SGCD: variants seen among roughly 807,000 people sequenced by gnomAD.
SGCD encodes delta-sarcoglycan.
In SGCD, 18 loss-of-function variants were observed where a neutral mutation model predicts 36.6. The ratio of observed to expected loss-of-function variants is 0.49; its 90% CI spans 0.34 to 0.73. SGCD has a LOEUF of 0.73. Ranked by LOEUF, SGCD falls within the 30% of genes least tolerant of loss-of-function variation. The pLI is 0.01. For missense variants in SGCD, 387 were observed against 346.7 expected, an observed-to-expected ratio of 1.12 and a Z score of -0.92; for synonymous variants, 133 against 130.6, an observed-to-expected ratio of 1.02 and a Z score of -0.12.
chr5:156,557,203 C>T (rs140965200), intron 4 of SGCD, among the ~76,000 whole-genome samples: 25 of 152,258 alleles, frequency 1.6e-4, no homozygotes, highest in African/African-American at 5.3e-4. Context: ...AGCCTGCAAC[C>T]GGCATAGTTA....
chr5:155,816,477 T>G, the SGCD span, among the ~76,000 whole-genome samples: 1 of 152,168 alleles, frequency 6.6e-6, no homozygotes, highest in African/African-American at 2.4e-5. Flanking sequence ...TGACTTCAAG[T>G]TGAGCAGGCT....
At chr5:155,787,133 C>T in the SGCD span, among the ~76,000 whole-genome samples, 7 of 152,192 alleles carry the variant, frequency 4.6e-5, no homozygotes, top group African/African-American at 1.7e-4. Flanking sequence ...ACATTTAAAT[C>T]AGGAGCTAAG....
At chr5:156,221,302 A>G (rs1764711312) in intron 3 of SGCD, among the ~76,000 whole-genome samples, 1 of 152,138 alleles carries the variant, frequency 6.6e-6, no homozygotes, top group South Asian at 2.1e-4. Flanking sequence ...TAAAATGATA[A>G]TAGTCAAGGA....
chr5:155,785,105 C>A, the SGCD span, among the ~76,000 whole-genome samples: 1 of 151,940 alleles, frequency 6.6e-6, no homozygotes, highest in African/African-American at 2.4e-5. Flanking sequence ...GTGTTCATAG[C>A]AAAACTCTTT....
At chr5:156,412,437 G>A (rs527557350) in intron 3 of SGCD, among the ~76,000 whole-genome samples, 4 of 152,214 alleles carry the variant, frequency 2.6e-5, no homozygotes, top group Non-Finnish European at 5.9e-5. Flanking sequence ...ATGGAGGGTA[G>A]CTATTTTTTG....
At chr5:156,356,669 G>T (rs752942814) in intron 3 of SGCD, among the ~76,000 whole-genome samples, 1 of 152,114 alleles carries the variant, frequency 6.6e-6, no homozygotes, top group African/African-American at 2.4e-5. Context: ...GGATTGAATA[G>T]TGCCCCCCTA....
chr5:156,148,050 T>C (rs910924818), intron 3 of SGCD, among the ~76,000 whole-genome samples: 1 of 152,180 alleles, frequency 6.6e-6, no homozygotes, highest in African/African-American at 2.4e-5. Flanking sequence ...AACCTTTGTT[T>C]TTCTGCCGCT....
At chr5:156,009,471 T>C (rs536483228) in intron 1 of SGCD, among the ~76,000 whole-genome samples, 1 of 152,330 alleles carries the variant, frequency 6.6e-6, no homozygotes, top group East Asian at 1.9e-4. Flanking sequence ...GTTTAGTTTT[T>C]AGCCTGCTAT....
intron 7 of SGCD, among the ~76,000 whole-genome samples, chr5:156,702,238 G>T (rs1012641217): frequency 1.3e-5 from 2 of 152,148 alleles, no homozygotes; most frequent in African/African-American, 4.8e-5. Context: ...AGGGCTGGGT[G>T]ACTAAAATTT....
intron 1 of SGCD, among the ~76,000 whole-genome samples, chr5:156,062,552 G>T (rs1388854290): frequency 3.8e-5 from 4 of 105,906 alleles, no homozygotes; most frequent in Non-Finnish European, 7.6e-5. Flanking sequence ...CCCACCAACA[G>T]TGTAAAAGTG....
intron 3 of SGCD, among the ~76,000 whole-genome samples, chr5:156,154,034 T>G (rs1762890498): frequency 6.6e-6 from 1 of 151,588 alleles, no homozygotes. Flanking sequence ...GTCAACCCAC[T>G]TTGCCTGCCC....
chr5:155,729,786 C>T, the SGCD span, among the ~76,000 whole-genome samples: 3 of 152,168 alleles, frequency 2.0e-5, no homozygotes, highest in African/African-American at 7.2e-5. Flanking sequence ...CATCCAAATG[C>T]CTCCTGTCGG....
At chr5:156,333,404 A>G (rs939953897) in intron 2 of SGCD, among the ~76,000 whole-genome samples, 1 of 152,206 alleles carries the variant, frequency 6.6e-6, no homozygotes, top group Non-Finnish European at 1.5e-5. Flanking sequence ...ATTCAATAAT[A>G]TGTCTTAAAA....
chr5:156,305,749 A>G (rs1767189721), intron 3 of SGCD, among the ~76,000 whole-genome samples: 1 of 152,236 alleles, frequency 6.6e-6, no homozygotes, highest in Non-Finnish European at 1.5e-5. Flanking sequence ...TCAGGAGGGA[A>G]GCTGTATGCT....
At chr5:156,729,465 G>A (rs750303469) in intron 7 of SGCD, among the ~76,000 whole-genome samples, 2 of 152,208 alleles carry the variant, frequency 1.3e-5, no homozygotes, top group African/African-American at 2.4e-5. Flanking sequence ...CTTTAGCTAC[G>A]TGGAATTGAT....
intron 3 of SGCD, among the ~76,000 whole-genome samples, chr5:156,185,353 T>C (rs1217510108): frequency 2.0e-5 from 3 of 151,714 alleles, no homozygotes; most frequent in Non-Finnish European, 4.4e-5. Flanking sequence ...TAGCTGGGAC[T>C]ACAGGCGCCC....
At chr5:155,912,674 C>T (rs2113359758) in intron 1 of SGCD, among the ~76,000 whole-genome samples, 1 of 152,184 alleles carries the variant, frequency 6.6e-6, no homozygotes, top group Non-Finnish European at 1.5e-5. Flanking sequence ...ATTTTATTTA[C>T]ATTAATTTTC....
At chr5:156,409,109 C>T (rs1000174339) in intron 3 of SGCD, among the ~76,000 whole-genome samples, 2 of 152,186 alleles carry the variant, frequency 1.3e-5, no homozygotes, top group Admixed American at 6.5e-5. Context: ...TTTGACTCTG[C>T]ATCTTAAGCC....
chr5:156,554,447 T>A (rs549396946), intron 4 of SGCD, among the ~76,000 whole-genome samples: 1 of 151,768 alleles, frequency 6.6e-6, no homozygotes, highest in African/African-American at 2.4e-5. Context: ...TCATTATTGC[T>A]GTTCATGTGT....
Sources: gnomAD v4.1 joint callset for allele counts (sites outside exome capture counted in the v4.1 genomes callset) on GRCh38, gnomAD v4.1.1 for gene constraint, MANE v1.5 for transcripts, NCBI Gene and HGNC (gene_info 2026-07-23, HGNC 2026-07-21) for gene names.